Variants in SLC6A3 observed in about 807,000 individuals in gnomAD.
SLC6A3 encodes sodium-dependent dopamine transporter.
A neutral mutation model predicts 70.4 loss-of-function variants in SLC6A3; 19 were observed. The ratio of observed to expected loss-of-function variants is 0.27; its 90% CI spans 0.19 to 0.40. SLC6A3 has a LOEUF of 0.40. Ranked by LOEUF, SLC6A3 falls within the 10% of genes least tolerant of loss-of-function variation. The pLI, the probability that SLC6A3 is intolerant of heterozygous loss-of-function variation, is 1.00. For synonymous variants in SLC6A3, 368 were observed against 356.6 expected, an observed-to-expected ratio of 1.03 and a Z score of -0.36; for missense variants, 613 against 838.5, an observed-to-expected ratio of 0.73 and a Z score of 3.32.
At position 1,415,077 on chromosome 5, in the gene SLC6A3, G is replaced by A. The variant is rs28363068; in HGVS notation, c.1032-262C>T. On this transcript the variant is annotated intron_variant, in intron 7 of 14. Transcript: ENST00000270349. The stretch of plus-strand genomic sequence containing the variant: ...ACAGACGGCCACCCCTGTGCCCCGC[G>A]AGTCTTGCTGTGGACACCTCACCCA... Among the ~76,000 whole-genome samples, 655 of 152,178 alleles carry A rather than the reference G, an allele frequency of 4.3e-3. 4 individuals carry two copies. Among genetic ancestry groups the A allele is most frequent in the Middle Eastern group, 6.8e-3 (2 of 294 alleles).
rs28382234 is a variant in SLC6A3 at position 1,432,958 on chromosome 5, T to C, written c.419-260A>G. On this transcript the variant is annotated intron_variant, in intron 3 of 14. Transcript: ENST00000270349. ...CTCCTACACAAGGACTTTCAGGGTG[T>C]CTCTGAGAGACATCCAGAGCCAGCA... Among the ~76,000 whole-genome samples, 1,620 of 151,866 alleles carry C rather than the reference T, an allele frequency of 0.011. 26 individuals are homozygous for C. Among genetic ancestry groups the C allele is most frequent in the African/African-American group, 0.038 (1,557 of 41,386 alleles).
At chr5:1,432,791 AT>A in intron 3 of SLC6A3, 93 bp from the exon 4 acceptor site, 1 of 864,746 alleles carries the variant, frequency 1.2e-6, no homozygotes, top group Non-Finnish European at 1.9e-6. Flanking sequence ...CACGGGAGAC[AT>A]TACCCTGAGC....
intron 9 of SLC6A3, 51 bp from the exon 10 acceptor site, chr5:1,409,900 C>A (rs1201005420): frequency 2.5e-6 from 4 of 1,609,412 alleles, no homozygotes; most frequent in Non-Finnish European, 3.4e-6. Flanking sequence ...CTCCTGACCG[C>A]AGCCTGGGCC....
At chr5:1,417,730 C>A (rs577626752) in intron 6 of SLC6A3, among the ~76,000 whole-genome samples, 1 of 152,192 alleles carries the variant, frequency 6.6e-6, no homozygotes, top group African/African-American at 2.4e-5. Context: ...GCCAACCCCC[C>A]CTTGGAGGCA....
intron 8 of SLC6A3, among the ~76,000 whole-genome samples, chr5:1,412,074 C>T (rs1756143580): frequency 6.6e-6 from 1 of 152,208 alleles, no homozygotes; most frequent in African/African-American, 2.4e-5. Context: ...ATTTAGTAGC[C>T]TAATTTCTAA....
chr5:1,443,817 C>A (rs1733737455), intron 1 of SLC6A3, among the ~76,000 whole-genome samples: 1 of 152,112 alleles, frequency 6.6e-6, no homozygotes, highest in African/African-American at 2.4e-5. Context: ...TACAGGTGTG[C>A]ACCACAGCAC....
Position 1,411,288 on chromosome 5 carries a change from G to C in SLC6A3, c.1224C>G (p.Ala408=), listed in dbSNP as rs981167521. 2 of 1,554,978 alleles carry C rather than the reference G, an allele frequency of 1.3e-6. No individual in the cohort carries two copies. The highest frequency in any genetic ancestry group is 1.7e-6 in the Non-Finnish European group (2 of 1,149,108). The change falls in exon 9 of 15, where the codon GCC becomes GCG. Residue 408 remains alanine, a synonymous_variant. Transcript: ENST00000270349. This position sits in a 1 kb window ranked among gnomAD's most constrained non-coding sequence, Gnocchi z 6.5. ...IATLPLSSAW[A]VVFFIMLLTL... ...TGAGCAGCATGATGAAGAAGACCAC[G>C]GCCCAGGCTGAGGACAGAGGGAGCG...
rs1560919189 is a variant in SLC6A3 at position 1,423,216 on chromosome 5, ACCCACCGCTGCCCAC to A, written c.654-1217_654-1203del. ...CCCAGTGCTGCCCATGGTGCTGGGT[ACCCACCGCTGCCCAC>A]GGTGCTGCCCATGGTGCTGGGTACC... is the stretch of plus-strand genomic sequence containing the variant. On this transcript the variant is annotated intron_variant, in intron 4 of 14. Coordinates refer to ENST00000270349, the MANE Select transcript of SLC6A3 (RefSeq NM_001044.5). 2.8e-4 allele frequency among the ~76,000 whole-genome samples: 13 copies of A among 46,690 alleles called. 1 individual carries two copies. Among genetic ancestry groups the A allele is most frequent in the South Asian group, 1.3e-3 (1 of 792 alleles). 30.6% of individuals were successfully genotyped at this position (46,690 alleles called of 152,430 possible).
intron 4 of SLC6A3, among the ~76,000 whole-genome samples, chr5:1,422,366 C>A (rs890327011): frequency 4.6e-5 from 7 of 151,022 alleles, no homozygotes; most frequent in Non-Finnish European, 1.0e-4. Context: ...GGGTGCCCAC[C>A]ACTGCCCAGT....
intron 14 of SLC6A3, 39 bp downstream of exon 14, chr5:1,400,876 A>G: frequency 6.8e-7 from 1 of 1,475,374 alleles, no homozygotes; most frequent in Non-Finnish European, 9.3e-7. Context: ...ATCATTCTGA[A>G]TTCCCCCGAG....
chr5:1,421,050 C>T lies in SLC6A3; in HGVS notation c.793-347G>A, dbSNP rs1300498395. Among the ~76,000 whole-genome samples, 4 of 152,082 alleles carry T rather than the reference C, an allele frequency of 2.6e-5. No homozygotes were observed. The highest frequency in any genetic ancestry group is 2.1e-4 in the South Asian group (1 of 4,814). ...CACACTGGTGAACGGCACTGTGGCA[C>T]GATGAAGGGCTGCTCTGGGCTGTGT... On this transcript the variant is annotated intron_variant, in intron 5 of 14. Coordinates refer to ENST00000270349, the MANE Select transcript of SLC6A3 (RefSeq NM_001044.5). The surrounding 1 kb of genome is among the most constrained non-coding windows in gnomAD (Gnocchi z 7.2).
At chr5:1,403,873 T>C (rs993420857) in intron 12 of SLC6A3, among the ~76,000 whole-genome samples, 18 of 152,156 alleles carry the variant, frequency 1.2e-4, no homozygotes, top group Non-Finnish European at 2.9e-5. Flanking sequence ...GTTCATCCAC[T>C]CCACAAACAT....
Position 1,400,900 on chromosome 5 carries a change from GGACCTC to G in SLC6A3, c.1839+9_1839+14del, listed in dbSNP as rs1560905236. The stretch of plus-strand genomic sequence containing the variant: ...AATTCCCCCGAGAGAGGCCCAGCAG[GGACCTC>G]GACCTCACCGTGAACTGGCGCACCT... On this transcript the variant is annotated intron_variant, in intron 14 of 14. Coordinates refer to ENST00000270349, the MANE Select transcript of SLC6A3 (RefSeq NM_001044.5). The G allele has an allele frequency of 7.0e-6, 11 of 1,566,024 alleles. No homozygotes were observed. Among genetic ancestry groups the G allele is most frequent in the African/African-American group, 2.7e-5 (2 of 73,736 alleles).
chr5:1,416,815 C>T (rs904949753), intron 6 of SLC6A3, among the ~76,000 whole-genome samples: 11 of 151,910 alleles, frequency 7.2e-5, no homozygotes, highest in African/African-American at 2.7e-4. Context: ...AACATGACCG[C>T]AGCGTCCTAA....
In SLC6A3 at chr5:1,397,715, G is replaced by C. The variant is rs571473732; in HGVS notation, c.1840-2957C>G. On this transcript the variant is annotated intron_variant, in intron 14 of 14. Coordinates refer to ENST00000270349, the MANE Select transcript of SLC6A3 (RefSeq NM_001044.5). This position sits in a 1 kb window ranked among gnomAD's most constrained non-coding sequence, Gnocchi z 4.7. Reference sequence around the variant, plus strand: ...ATGTTCCCACACACCAATAGTGAGGGAGGTTAGCAAGAGACCTCCTCAAAG... The same window carrying C: ...ATGTTCCCACACACCAATAGTGAGGCAGGTTAGCAAGAGACCTCCTCAAAG... Among the ~76,000 whole-genome samples the C allele has an allele frequency of 2.6e-5, 4 of 152,238 alleles. No individual in the cohort carries two copies. The highest frequency in any genetic ancestry group is 2.6e-4 in the Admixed American group (4 of 15,286).
At chr5:1,419,323 T>TCATCCATCAATC (rs1553987023) in intron 6 of SLC6A3, among the ~76,000 whole-genome samples, 4 of 142,856 alleles carry the variant, frequency 2.8e-5, no homozygotes, top group African/African-American at 1.1e-4. Flanking sequence ...TACCTAGCAT[T>TCATCCATCAATC]CATCCATCCA....
chr5:1,427,906 T>C (rs1366595216), intron 4 of SLC6A3, among the ~76,000 whole-genome samples: 2 of 152,182 alleles, frequency 1.3e-5, no homozygotes, highest in African/African-American at 4.8e-5. Flanking sequence ...CAGTTGAGAT[T>C]TCAGTACCCC....
chr5:1,443,224 G>A lies in SLC6A3; in HGVS notation c.-27C>T. 6.2e-7 allele frequency: 1 copy of A among 1,613,000 alleles called. No homozygotes were observed. Among genetic ancestry groups the A allele is most frequent in the Non-Finnish European group, 8.5e-7 (1 of 1,179,146 alleles). On this transcript the variant is annotated 5_prime_UTR_variant, in exon 2 of 15. Coordinates refer to ENST00000270349, the MANE Select transcript of SLC6A3 (RefSeq NM_001044.5). ...GGCACACTGGGAGTTGAGGAATTCT[G>A]TGCTTCTTCCCTCTTGGTCTTCAGC...
At position 1,411,446 on chromosome 5, in the gene SLC6A3, C is replaced by A. The variant is rs1560911071; in HGVS notation, c.1157-91G>T. ...CCCCGCCCCGAGAAGCATGGCCTGC[C>A]ACAGGCCTGTAGAGACTAGGGCTGG... On this transcript the variant is annotated intron_variant, in intron 8 of 14. Transcript: ENST00000270349. The surrounding 1 kb of genome is among the most constrained non-coding windows in gnomAD (Gnocchi z 6.5). 8.5e-6 allele frequency: 8 copies of A among 939,076 alleles called. No individual in the cohort carries two copies. The highest frequency in any genetic ancestry group is 1.3e-5 in the Non-Finnish European group (8 of 593,264). 58.2% of individuals were successfully genotyped at this position (939,076 alleles called of 1,614,324 possible). A position where few individuals can be genotyped will look rare whatever the true frequency, so the allele number is the denominator to read the frequency against.
Sources: gnomAD v4.1 joint callset for allele counts (sites outside exome capture counted in the v4.1 genomes callset) on GRCh38, gnomAD v4.1.1 for gene constraint, Gnocchi (gnomAD v3.1) non-coding constraint, MANE v1.5 for transcripts, NCBI Gene and HGNC (gene_info 2026-07-23, HGNC 2026-07-21) for gene names.